Variants in CDH12 observed in about 807,000 individuals in gnomAD.
CDH12 encodes cadherin-12.
In CDH12, 41 loss-of-function variants were observed where a neutral mutation model predicts 74.1. The ratio of observed to expected loss-of-function variants is 0.55; its 90% confidence interval spans 0.43 to 0.72. The LOEUF (loss-of-function observed/expected upper bound fraction) is 0.72, where lower values mean the gene tolerates loss of function less well. CDH12 is among the 30% of genes least tolerant of loss of function. CDH12 has a pLI of 0.00. For missense variants in CDH12, 945 were observed against 977.2 expected, an observed-to-expected ratio of 0.97 and a Z score of 0.44; for synonymous variants, 399 against 355.0, an observed-to-expected ratio of 1.12 and a Z score of -1.39.
intron 1 of CDH12, among the ~76,000 whole-genome samples, chr5:22,711,659 C>T (rs921709172): frequency 2.6e-5 from 4 of 151,932 alleles, no homozygotes; most frequent in Non-Finnish European, 4.4e-5. Context: ...CAGGATTTAC[C>T]ATATACATAT....
intron 8 of CDH12, among the ~76,000 whole-genome samples, chr5:21,820,820 T>G (rs1748326458): frequency 6.6e-6 from 1 of 152,028 alleles, no homozygotes; most frequent in Non-Finnish European, 1.5e-5. Context: ...CATGATGTAC[T>G]GTGTAATTAC....
At chr5:22,840,579 A>C (rs115317768) in intron 1 of CDH12, among the ~76,000 whole-genome samples, 1 of 151,480 alleles carries the variant, frequency 6.6e-6, no homozygotes, top group East Asian at 1.9e-4. Flanking sequence ...GTTTACAGAT[A>C]TATAGCAAAC....
At chr5:22,328,505 A>G (rs1358388034) in intron 3 of CDH12, among the ~76,000 whole-genome samples, 1 of 152,180 alleles carries the variant, frequency 6.6e-6, no homozygotes, top group African/African-American at 2.4e-5. Flanking sequence ...CTAAAAATAA[A>G]ATGGAATATT....
chr5:22,828,055 C>T (rs1453847430), intron 1 of CDH12, among the ~76,000 whole-genome samples: 1 of 152,100 alleles, frequency 6.6e-6, no homozygotes, highest in Non-Finnish European at 1.5e-5. Context: ...GAGAAGACTA[C>T]CGCATTTGGA....
At chr5:22,580,677 T>G in intron 1 of CDH12, 1 of 400,162 alleles carries the variant, frequency 2.5e-6, no homozygotes, top group Non-Finnish European at 5.0e-6. Flanking sequence ...GTGTTTCAAG[T>G]GGAGGAGGCA....
chr5:21,880,510 CCTCCCTCTTTTCTTTCTTCCTTCTT>C (rs1561267804), intron 6 of CDH12, among the ~76,000 whole-genome samples: 5 of 84,948 alleles, frequency 5.9e-5, no homozygotes, highest in East Asian at 3.6e-4. Flanking sequence ...TTCCTCCCTC[CCTCCCTCTTTTCTTTCTTCCTTCTT>C]TTCCTTCCTT....
At chr5:22,261,526 G>C (rs1226608762) in intron 3 of CDH12, among the ~76,000 whole-genome samples, 3 of 151,926 alleles carry the variant, frequency 2.0e-5, no homozygotes, top group African/African-American at 7.2e-5. Flanking sequence ...TTATAATAAT[G>C]CAACTGTAAA....
intron 5 of CDH12, among the ~76,000 whole-genome samples, chr5:22,023,254 T>A (rs1738105635): frequency 6.6e-6 from 1 of 152,124 alleles, no homozygotes; most frequent in African/African-American, 2.4e-5. Context: ...AAATTCTCCC[T>A]TCCTCACACT....
intron 3 of CDH12, among the ~76,000 whole-genome samples, chr5:22,239,313 C>G (rs1752666446): frequency 6.6e-6 from 1 of 151,986 alleles, no homozygotes; most frequent in Non-Finnish European, 1.5e-5. Flanking sequence ...AATGGTTCTC[C>G]AGGAAATATA....
intron 7 of CDH12, 118 bp from the exon 8 acceptor site, chr5:21,842,446 C>A: frequency 3.1e-6 from 2 of 638,962 alleles, no homozygotes; most frequent in Non-Finnish European, 5.1e-6. Context: ...GACATAATAG[C>A]TAAAATTGTA....
intron 11 of CDH12, among the ~76,000 whole-genome samples, chr5:21,778,357 A>G (rs1193250410): frequency 1.3e-5 from 2 of 151,238 alleles, no homozygotes; most frequent in African/African-American, 4.9e-5. Context: ...AGCTATTAAT[A>G]TAGTTTATTA....
intron 1 of CDH12, among the ~76,000 whole-genome samples, chr5:22,573,606 T>G (rs1486109788): frequency 6.6e-6 from 1 of 152,200 alleles, no homozygotes; most frequent in Non-Finnish European, 1.5e-5. Flanking sequence ...AATTTTAGTT[T>G]CAATTATTCA....
In CDH12 at chr5:22,796,556, G is replaced by A. The variant is rs1289325296; in HGVS notation, c.-523+56502C>T. 2.8e-5 allele frequency among the ~76,000 whole-genome samples: 2 copies of A among 72,058 alleles called. 1 individual carries two copies. Among genetic ancestry groups the A allele is most frequent in the African/African-American group, 1.6e-4 (2 of 12,706 alleles). 47.3% of individuals were successfully genotyped at this position (72,058 alleles called of 152,430 possible). On this transcript the variant is annotated intron_variant, in intron 1 of 14. Transcript: ENST00000382254. ...TTTTTTTGAGACGGAGTCTCGCTCTGTCGCCCAGGCTGGAGTGCAGTGGCG... is the reference window on the plus strand; with the variant it reads ...TTTTTTTGAGACGGAGTCTCGCTCTATCGCCCAGGCTGGAGTGCAGTGGCG...
chr5:22,646,391 A>G (rs1371191657), intron 1 of CDH12, among the ~76,000 whole-genome samples: 1 of 151,828 alleles, frequency 6.6e-6, no homozygotes, highest in Non-Finnish European at 1.5e-5. Context: ...TGAATTGGTT[A>G]TGTTTTCAAT....
At chr5:22,603,259 T>G (rs1736934545) in intron 1 of CDH12, among the ~76,000 whole-genome samples, 1 of 151,936 alleles carries the variant, frequency 6.6e-6, no homozygotes, top group Non-Finnish European at 1.5e-5. Context: ...TAAAAATAAA[T>G]GCATGCATAA....
intron 6 of CDH12, among the ~76,000 whole-genome samples, chr5:21,869,151 A>G (rs1468072584): frequency 1.3e-5 from 2 of 152,200 alleles, no homozygotes; most frequent in Non-Finnish European, 1.5e-5. Context: ...GGCTGGGGTG[A>G]TTGATCTAGA....
At chr5:22,512,910 A>G (rs540410931) in intron 1 of CDH12, among the ~76,000 whole-genome samples, 1 of 152,114 alleles carries the variant, frequency 6.6e-6, no homozygotes, top group African/African-American at 2.4e-5. Flanking sequence ...AAAAATACAA[A>G]AAGTTAGCTG....
chr5:22,299,276 A>G (rs1355424375), intron 3 of CDH12, among the ~76,000 whole-genome samples: 1 of 152,106 alleles, frequency 6.6e-6, no homozygotes, highest in Non-Finnish European at 1.5e-5. Context: ...GAGAGATAGC[A>G]GGAGTGGAAT....
chr5:22,717,268 C>A (rs1743627629), intron 1 of CDH12, among the ~76,000 whole-genome samples: 1 of 152,108 alleles, frequency 6.6e-6, no homozygotes, highest in Non-Finnish European at 1.5e-5. Context: ...TTTTACCTCA[C>A]TTTTACTGTG....
Sources: allele counts gnomAD v4.1 joint callset (sites outside exome capture counted in the v4.1 genomes callset), GRCh38; gene constraint gnomAD v4.1.1; transcripts MANE v1.5; gene names NCBI Gene and HGNC (gene_info 2026-07-23, HGNC 2026-07-21).